Variants in SGCZ observed in about 807,000 individuals in gnomAD.
SGCZ encodes sarcoglycan zeta, also known as zeta-sarcoglycan.
Under a neutral mutation model 41.3 loss-of-function variants are expected in SGCZ, and 40 were observed. The ratio of observed to expected loss-of-function variants is 0.97; its 90% CI spans 0.75 to 1.26. The LOEUF (loss-of-function observed/expected upper bound fraction) is 1.26, where lower values mean the gene tolerates loss of function less well. Ranked by LOEUF, SGCZ falls within the 50% of genes most tolerant of loss-of-function variation. The pLI is 0.00. For synonymous variants in SGCZ, 206 were observed against 137.5 expected (o/e 1.50, Z -3.49); for missense variants, 552 against 369.8 (o/e 1.49, Z -4.04).
chr8:14,328,009 C>G (rs1372028736), intron 2 of SGCZ, among the ~76,000 whole-genome samples: 1 of 152,164 alleles, frequency 6.6e-6, no homozygotes, highest in African/African-American at 2.4e-5. Flanking sequence ...TCTTATAACA[C>G]CGTGTTGTAA....
At chr8:14,569,040 A>G (rs372267449) in intron 1 of SGCZ, among the ~76,000 whole-genome samples, 1 of 152,346 alleles carries the variant, frequency 6.6e-6, no homozygotes, top group African/African-American at 2.4e-5. Context: ...TGACATAACA[A>G]GACTGGTAAA....
At chr8:14,761,151 G>T (rs1563251704) in intron 1 of SGCZ, among the ~76,000 whole-genome samples, 1 of 152,118 alleles carries the variant, frequency 6.6e-6, no homozygotes, top group Non-Finnish European at 1.5e-5. Context: ...TGCTTTCACG[G>T]TCTTCGCTAA....
chr8:15,057,442 T>G (rs1804756171), intron 1 of SGCZ, among the ~76,000 whole-genome samples: 1 of 152,120 alleles, frequency 6.6e-6, no homozygotes, highest in Admixed American at 6.5e-5. Context: ...CCAGAGATAA[T>G]CATCAAAGGT....
rs899602657 is a variant in SGCZ at position 14,287,661 on chromosome 8, G to T, written c.336+36442C>A. ...TGTTTATTTTTATATCTATATGACA[G>T]TCAGGTTTTTAATTTTTTTAAATAT... On this transcript the variant is annotated intron_variant, in intron 3 of 7. Coordinates refer to ENST00000382080, the MANE Select transcript of SGCZ (RefSeq NM_139167.4). Among the ~76,000 whole-genome samples, 5 of 152,170 alleles carry T rather than the reference G, an allele frequency of 3.3e-5. No homozygotes were observed. The South Asian group carries it at 8.3e-4, about 25-fold the overall frequency.
intron 1 of SGCZ, among the ~76,000 whole-genome samples, chr8:14,597,514 G>T (rs1805451523): frequency 1.3e-5 from 2 of 152,076 alleles, no homozygotes; most frequent in Admixed American, 1.3e-4. Flanking sequence ...TTTTGGCCAG[G>T]CTGGAGTGCA....
chr8:14,596,763 A>T (rs948942268), intron 1 of SGCZ, among the ~76,000 whole-genome samples: 5 of 152,162 alleles, frequency 3.3e-5, no homozygotes, highest in African/African-American at 1.2e-4. Context: ...GGTGCAGCAA[A>T]CCACCATGGC....
At chr8:15,134,484 T>C (rs1378851785) in intron 1 of SGCZ, among the ~76,000 whole-genome samples, 2 of 152,108 alleles carry the variant, frequency 1.3e-5, no homozygotes, top group South Asian at 2.1e-4. Flanking sequence ...ATGAGCGGTA[T>C]ACTCATATTG....
In SGCZ at chr8:14,516,605, T is replaced by C. The variant is rs76903114; in HGVS notation, c.234+38127A>G. On this transcript the variant is annotated intron_variant, in intron 2 of 7. Transcript: ENST00000382080. ...CACTGCAGCAATTTTAAGGAAGCTG[T>C]GAATCTAGGTATCAGGAAAATTTGT... 9.5e-3 allele frequency among the ~76,000 whole-genome samples: 1,453 copies of C among 152,194 alleles called. 27 individuals carry two copies. The highest frequency in any genetic ancestry group is 0.034 in the African/African-American group (1,400 of 41,564).
chr8:14,426,597 T>C (rs1799789651), intron 2 of SGCZ, among the ~76,000 whole-genome samples: 1 of 152,162 alleles, frequency 6.6e-6, no homozygotes, highest in African/African-American at 2.4e-5. Context: ...TTGTTATTTT[T>C]GCTTTAGTTT....
At chr8:14,551,497 ATT>A (rs1491415231) in intron 2 of SGCZ, among the ~76,000 whole-genome samples, 995 of 5,332 alleles carry the variant, frequency 0.19, 112 homozygotes, top group Middle Eastern at 0.33. Flanking sequence ...TATTATATAT[ATT>A]ATATATATTA....
At chr8:15,232,797 A>ATATATATGTGTG (rs1801995527) in intron 1 of SGCZ, among the ~76,000 whole-genome samples, 3 of 82,180 alleles carry the variant, frequency 3.7e-5, no homozygotes, top group African/African-American at 3.9e-5. Context: ...GTGTGTATAC[A>ATATATATGTGTG]TATATACACA....
chr8:14,134,744 G>A lies in SGCZ; in HGVS notation c.548-26509C>T, dbSNP rs117383717. 3.6e-3 allele frequency among the ~76,000 whole-genome samples: 550 copies of A among 152,150 alleles called. 5 individuals are homozygous for A. The highest frequency in any genetic ancestry group is 6.5e-3 in the Non-Finnish European group (439 of 68,000). On this transcript the variant is annotated intron_variant, in intron 5 of 7. Coordinates refer to ENST00000382080, the MANE Select transcript of SGCZ (RefSeq NM_139167.4). ...GCCGCAAAGACTTCGTTTTCTCTGTGTCCTGATTTCACATTTCTGTTTTTT... is the reference window on the plus strand; with the variant it reads ...GCCGCAAAGACTTCGTTTTCTCTGTATCCTGATTTCACATTTCTGTTTTTT...
intron 1 of SGCZ, among the ~76,000 whole-genome samples, chr8:14,588,583 C>T (rs978128732): frequency 6.6e-6 from 1 of 151,714 alleles, no homozygotes; most frequent in Non-Finnish European, 1.5e-5. Context: ...AATGTTTAAA[C>T]TACTTGGGCA....
intron 1 of SGCZ, among the ~76,000 whole-genome samples, chr8:15,070,012 G>A (rs77312632): frequency 0.078 from 11,858 of 152,018 alleles, 710 homozygotes; most frequent in African/African-American, 0.16. Flanking sequence ...TAAGTATGTT[G>A]TTTTTGGTGT....
chr8:15,102,568 A>AAG (rs1806655219), intron 1 of SGCZ, among the ~76,000 whole-genome samples: 1 of 152,134 alleles, frequency 6.6e-6, no homozygotes, highest in Non-Finnish European at 1.5e-5. Flanking sequence ...TATAACAAGC[A>AAG]TACCACGCTA....
intron 3 of SGCZ, among the ~76,000 whole-genome samples, chr8:14,265,892 C>T (rs752682194): frequency 3.4e-4 from 52 of 151,120 alleles, no homozygotes; most frequent in African/African-American, 1.0e-3. Context: ...GAAGAAATAA[C>T]TAGTGAAGTC....
intron 3 of SGCZ, among the ~76,000 whole-genome samples, chr8:14,243,119 A>G (rs927210427): frequency 1.3e-5 from 2 of 152,212 alleles, no homozygotes; most frequent in African/African-American, 4.8e-5. Flanking sequence ...TACACATTTT[A>G]GAAAGTATTG....
At chr8:14,593,823 A>G (rs28537565) in intron 1 of SGCZ, among the ~76,000 whole-genome samples, 80,344 of 151,970 alleles carry the variant, frequency 0.53, 21,776 homozygotes, top group Non-Finnish European at 0.61. Context: ...CTTATTTGAG[A>G]AGTCAGCAGT....
chr8:14,469,206 A>G (rs1192513533), intron 2 of SGCZ, among the ~76,000 whole-genome samples: 2 of 152,138 alleles, frequency 1.3e-5, no homozygotes, highest in Non-Finnish European at 2.9e-5. Flanking sequence ...TTTAAATTTC[A>G]CCATCTTACT....
Sources: gnomAD v4.1 joint callset for allele counts (sites outside exome capture counted in the v4.1 genomes callset) on GRCh38, gnomAD v4.1.1 for gene constraint, MANE v1.5 for transcripts, NCBI Gene and HGNC (gene_info 2026-07-23, HGNC 2026-07-21) for gene names.